Variants in PICALM observed in about 807,000 individuals in gnomAD.
PICALM encodes the protein phosphatidylinositol binding clathrin assembly protein, also known as phosphatidylinositol-binding clathrin assembly protein.
In PICALM, 40 loss-of-function variants were observed where a neutral mutation model predicts 80.5. The observed-to-expected ratio is 0.50, with a 90% CI of 0.39 to 0.65. The LOEUF is 0.65. Among genes scored for constraint, PICALM ranks in the 30% least tolerant of loss-of-function variants. The pLI is 0.00. For synonymous variants in PICALM, 288 were observed against 260.3 expected (o/e 1.11, Z -1.02); for missense variants, 676 against 778.9 (o/e 0.87, Z 1.57).
intron 3 of PICALM, among the ~76,000 whole-genome samples, chr11:86,023,006 G>A (rs895500466): frequency 2.0e-4 from 30 of 152,084 alleles, no homozygotes; most frequent in Admixed American, 6.6e-4. Context: ...TTATATGAAT[G>A]TTTTCAATGA....
chr11:85,998,613 C>T (rs925845158), intron 11 of PICALM, among the ~76,000 whole-genome samples: 13 of 151,614 alleles, frequency 8.6e-5, no homozygotes, highest in African/African-American at 2.4e-4. Context: ...GGCAAAATGG[C>T]GAAAAAATAC....
At chr11:85,964,202 G>C (rs965556196) in intron 19 of PICALM, among the ~76,000 whole-genome samples, 2 of 152,032 alleles carry the variant, frequency 1.3e-5, no homozygotes, top group Non-Finnish European at 2.9e-5. Context: ...TGGATATTTA[G>C]GAAAAAACTT....
intron 13 of PICALM, among the ~76,000 whole-genome samples, chr11:85,986,611 C>T (rs1046666768): frequency 2.6e-5 from 4 of 151,264 alleles, no homozygotes; most frequent in African/African-American, 4.9e-5. Flanking sequence ...AGGATGGTCT[C>T]GATCTCCTGA....
chr11:86,014,618 G>A (rs1198772517), intron 5 of PICALM, among the ~76,000 whole-genome samples: 1 of 152,106 alleles, frequency 6.6e-6, no homozygotes, highest in African/African-American at 2.4e-5. Context: ...TATATTTTCA[G>A]ATCAATCCTT....
intron 1 of PICALM, among the ~76,000 whole-genome samples, chr11:86,061,280 G>A (rs772970483): frequency 7.3e-5 from 10 of 137,068 alleles, no homozygotes; most frequent in Non-Finnish European, 1.4e-4. Flanking sequence ...ACAGTGAGAT[G>A]AGATGGCCCC....
chr11:86,026,322 T>C lies in PICALM; in HGVS notation c.319A>G (p.Ser107Gly). 1 of 1,603,404 alleles carries C rather than the reference T, an allele frequency of 6.2e-7. No individual in the cohort carries two copies. The highest frequency in any genetic ancestry group is 8.5e-7 in the Non-Finnish European group (1 of 1,172,390). Residue 107 changes from serine to glycine, a missense_variant, in exon 3 of 20, where the codon AGC becomes GGC. Coordinates refer to ENST00000393346, the MANE Select transcript of PICALM (RefSeq NM_007166.4). ...LASRNTLFNL[S>G]NFLDKSGLQG... is the part of the protein sequence containing the mutation. ...AATCCACTTTTATCCAAAAAATTGC[T>C]TAAGTTAAACAACGTGTTTCTTGAA...
intron 1 of PICALM, among the ~76,000 whole-genome samples, chr11:86,054,604 T>TC (rs2096242466): frequency 6.6e-6 from 1 of 152,042 alleles, no homozygotes; most frequent in Admixed American, 6.5e-5. Context: ...TCCTGTTACC[T>TC]CCCCTCTGTG....
At chr11:86,001,218 G>A in intron 9 of PICALM, 60 bp from the exon 10 acceptor site, 3 of 1,545,074 alleles carry the variant, frequency 1.9e-6, no homozygotes, top group Non-Finnish European at 2.6e-6. Flanking sequence ...TTACACCCAG[G>A]TCATGAAATG....
chr11:85,990,218 T>A, intron 13 of PICALM, 32 bp downstream of exon 13: 1 of 1,400,410 alleles, frequency 7.1e-7, no homozygotes, highest in African/African-American at 1.4e-5. Context: ...GTATAAACAT[T>A]GATTGGAAAA....
chr11:86,006,768 C>T (rs1007166009), intron 8 of PICALM, among the ~76,000 whole-genome samples: 1 of 152,198 alleles, frequency 6.6e-6, no homozygotes, highest in African/African-American at 2.4e-5. Context: ...TACTTTCATT[C>T]TTAATACTCC....
At chr11:86,040,486 G>A (rs1428212167) in intron 1 of PICALM, among the ~76,000 whole-genome samples, 3 of 152,060 alleles carry the variant, frequency 2.0e-5, no homozygotes, top group Non-Finnish European at 4.4e-5. Context: ...CTACAGATGT[G>A]AGCCACCGCA....
chr11:85,965,807 GTTTTTTTGTTTTTTTTTTTT>G (rs2093864682), intron 19 of PICALM, among the ~76,000 whole-genome samples: 1 of 79,256 alleles, frequency 1.3e-5, no homozygotes, highest in African/African-American at 5.8e-5. Flanking sequence ...TACCCATTTT[GTTTTTTTGTTTTTTTTTTTT>G]TTTTTTTTTT....
At position 85,984,816 on chromosome 11, in the gene PICALM, T is replaced by C. The variant is rs562135822; in HGVS notation, c.1409-843A>G. Among the ~76,000 whole-genome samples, 200 of 152,260 alleles carry C rather than the reference T, an allele frequency of 1.3e-3. 1 individual carries two copies. Among genetic ancestry groups the C allele is most frequent in the African/African-American group, 4.7e-3 (195 of 41,556 alleles). Reference sequence around the variant, plus strand: ...AACAAATATAAGATTTCCAATTATGTGAGGTTATATTTAAGTAAGGTTCTG... The same window carrying C: ...AACAAATATAAGATTTCCAATTATGCGAGGTTATATTTAAGTAAGGTTCTG... On this transcript the variant is annotated intron_variant, in intron 13 of 19. Coordinates refer to ENST00000393346, the MANE Select transcript of PICALM (RefSeq NM_007166.4).
chr11:86,005,443 T>C (rs2095255704), intron 8 of PICALM, among the ~76,000 whole-genome samples: 1 of 152,106 alleles, frequency 6.6e-6, no homozygotes, highest in Non-Finnish European at 1.5e-5. Flanking sequence ...CTCACACCTG[T>C]AATCCCAAAA....
At chr11:86,062,825 T>C (rs1346188089) in intron 1 of PICALM, among the ~76,000 whole-genome samples, 1 of 152,194 alleles carries the variant, frequency 6.6e-6, no homozygotes, top group Non-Finnish European at 1.5e-5. Flanking sequence ...TTTGATTCTC[T>C]AGAGAAACGT....
rs753990814 is a variant in PICALM at position 86,011,033 on chromosome 11, T to C, written c.762A>G (p.Ala254=). The C allele has an allele frequency of 2.7e-5, 39 of 1,454,536 alleles. No individual in the cohort carries two copies. The South Asian group carries it at 4.4e-4, about 16-fold the overall frequency. The allele number at this position is 1,454,536 out of a possible 1,614,324, so 90.1% of individuals were successfully genotyped here. Residue 254 remains alanine, a synonymous_variant, in exon 7 of 20, where the codon GCA becomes GCG. Coordinates refer to ENST00000393346, the MANE Select transcript of PICALM (RefSeq NM_007166.4). The part of the protein sequence containing the change: ...MTRISEFLKV[A]EQVGIDRGDI... The stretch of plus-strand genomic sequence containing the variant: ...CAGTCACTTAAAGACAGTTTACCTC[T>C]GCAACTTTGAGGAACTCTGAGATTC...
At chr11:85,996,227 A>C (rs1470012826) in intron 12 of PICALM, among the ~76,000 whole-genome samples, 2 of 152,196 alleles carry the variant, frequency 1.3e-5, no homozygotes, top group African/African-American at 2.4e-5. Context: ...GCTATGAGAG[A>C]TAAGCCTATC....
intron 4 of PICALM, among the ~76,000 whole-genome samples, chr11:86,020,654 T>C (rs1283148128): frequency 1.3e-5 from 2 of 152,176 alleles, no homozygotes; most frequent in Non-Finnish European, 2.9e-5. Flanking sequence ...TTTCACAAAA[T>C]GTTGCTGGGA....
intron 8 of PICALM, among the ~76,000 whole-genome samples, chr11:86,004,005 T>C (rs763900590): frequency 2.0e-5 from 3 of 152,164 alleles, no homozygotes; most frequent in Non-Finnish European, 2.9e-5. Flanking sequence ...CTAGTAGGAG[T>C]TTATCACCTT....
Sources: allele counts gnomAD v4.1 joint callset (sites outside exome capture counted in the v4.1 genomes callset), GRCh38; gene constraint gnomAD v4.1.1; transcripts MANE v1.5; gene names NCBI Gene and HGNC (gene_info 2026-07-23, HGNC 2026-07-21).